Variants in KIF15 observed in about 807,000 individuals in gnomAD.
KIF15 encodes the protein kinesin-like protein KIF15.
A neutral mutation model predicts 190.6 loss-of-function variants in KIF15; 140 were observed. That is an observed-to-expected ratio of 0.73 (90% CI 0.64 to 0.84). The LOEUF (loss-of-function observed/expected upper bound fraction) is 0.84, where lower values mean the gene tolerates loss of function less well. Ranked by LOEUF, KIF15 falls within the 40% of genes least tolerant of loss-of-function variation. The pLI, the probability that KIF15 is intolerant of heterozygous loss-of-function variation, is 0.00. For missense variants in KIF15, 1,372 were observed against 1,584.4 expected, an observed-to-expected ratio of 0.87 and a Z score of 2.28; for synonymous variants, 528 against 551.3, an observed-to-expected ratio of 0.96 and a Z score of 0.59.
intron 10 of KIF15, chr3:44,799,399 A>G: frequency 2.2e-6 from 1 of 454,898 alleles, no homozygotes; most frequent in South Asian, 1.6e-5. Context: ...CAGCGAGAAT[A>G]CAGAAGACCT....
intron 24 of KIF15, 80 bp from the exon 25 acceptor site, chr3:44,829,891 A>G: frequency 1.8e-6 from 1 of 568,468 alleles, no homozygotes; most frequent in Non-Finnish European, 2.8e-6. Context: ...GCCATTAGGA[A>G]AGATAAGTGA....
chr3:44,809,194 G>A (rs374356353), intron 16 of KIF15, among the ~76,000 whole-genome samples: 1 of 152,038 alleles, frequency 6.6e-6, no homozygotes, highest in East Asian at 1.9e-4. Context: ...TGTTGTTAAG[G>A]TTTTAATTCT....
chr3:44,841,071 T>C lies in KIF15; in HGVS notation c.3421-3T>C. 4 of 1,600,768 alleles carry C rather than the reference T, an allele frequency of 2.5e-6. No homozygotes were observed. In the South Asian group the frequency reaches 4.5e-5, roughly 18 times the overall value. ...ATTTGGATGAGATGTGATTTTATTT[T>C]AGAGTCCTAAGACACCACCTCACTT... is the stretch of plus-strand genomic sequence containing the variant. On this transcript the variant is annotated splice_region_variant and splice_polypyrimidine_tract_variant and intron_variant, in intron 28 of 34. Coordinates refer to ENST00000326047, the MANE Select transcript of KIF15 (RefSeq NM_020242.3).
At position 44,829,542 on chromosome 3, in the gene KIF15, T is replaced by TTATATATGTATATATATTATATATG. The variant is rs1254858190; in HGVS notation, c.2944-414_2944-413insATTATATATGTATATATGTATATAT. Among the ~76,000 whole-genome samples, 321 of 117,878 alleles carry TTATATATGTATATATATTATATATG rather than the reference T, an allele frequency of 2.7e-3. 1 individual carries two copies. The highest frequency in any genetic ancestry group is 8.2e-3 in the Middle Eastern group (2 of 244). 77.3% of individuals were successfully genotyped at this position (117,878 alleles called of 152,430 possible). A position where few individuals can be genotyped will look rare whatever the true frequency, so the allele number is the denominator to read the frequency against. ...ATTATATGTATATAATATGTATATA[T>TTATATATGTATATATATTATATATG]TATATATGTATATATTATATATGTA... On this transcript the variant is annotated intron_variant, in intron 24 of 34. Transcript: ENST00000326047.
intron 5 of KIF15, among the ~76,000 whole-genome samples, chr3:44,784,256 C>G (rs1192826821): frequency 6.6e-6 from 1 of 152,192 alleles, no homozygotes; most frequent in East Asian, 1.9e-4. Flanking sequence ...ACTGCAAGCT[C>G]CGCCTCCCAG....
chr3:44,801,701 C>A, intron 12 of KIF15, 64 bp from the exon 13 acceptor site: 1 of 1,123,402 alleles, frequency 8.9e-7, no homozygotes, highest in Non-Finnish European at 1.3e-6. Context: ...TGTTGCTGGA[C>A]TTACGAAAAT....
chr3:44,790,632 C>A (rs564544251), intron 7 of KIF15, among the ~76,000 whole-genome samples: 1 of 151,876 alleles, frequency 6.6e-6, no homozygotes, highest in African/African-American at 2.4e-5. Context: ...TGTTCACCTA[C>A]CACTGAACAT....
intron 4 of KIF15, among the ~76,000 whole-genome samples, chr3:44,779,732 G>A (rs1706076833): frequency 6.6e-6 from 1 of 151,730 alleles, no homozygotes; most frequent in Non-Finnish European, 1.5e-5. Context: ...TACTCAGGAG[G>A]CTGAGGAAGG....
chr3:44,849,823 C>T (rs1174440775), intron 32 of KIF15, among the ~76,000 whole-genome samples: 1 of 152,052 alleles, frequency 6.6e-6, no homozygotes, highest in African/African-American at 2.4e-5. Context: ...ATTGAGTTCA[C>T]ATTACAATTA....
At chr3:44,792,343 G>A (rs778075581) in intron 7 of KIF15, among the ~76,000 whole-genome samples, 237 of 151,932 alleles carry the variant, frequency 1.6e-3, no homozygotes, top group Non-Finnish European at 1.7e-3. Context: ...GCATGGTGAT[G>A]CATGCCTGTA....
intron 14 of KIF15, among the ~76,000 whole-genome samples, chr3:44,803,314 TTAAC>T (rs1230214371): frequency 2.0e-5 from 3 of 152,212 alleles, no homozygotes; most frequent in Admixed American, 6.5e-5. Context: ...TGAAAAGTCT[TTAAC>T]TAATCAAACG....
At chr3:44,787,020 A>G (rs1706439574) in intron 7 of KIF15, among the ~76,000 whole-genome samples, 1 of 152,208 alleles carries the variant, frequency 6.6e-6, no homozygotes, top group Admixed American at 6.5e-5. Flanking sequence ...ATATGTTTTT[A>G]TGAAATCTGA....
At chr3:44,808,912 A>T (rs556431948) in intron 16 of KIF15, among the ~76,000 whole-genome samples, 4 of 152,306 alleles carry the variant, frequency 2.6e-5, no homozygotes, top group African/African-American at 9.6e-5. Context: ...TTTCCATATT[A>T]ACTGGTACCT....
chr3:44,823,669 C>G (rs901851700), intron 20 of KIF15, among the ~76,000 whole-genome samples: 1 of 152,212 alleles, frequency 6.6e-6, no homozygotes, highest in South Asian at 2.1e-4. Flanking sequence ...GGGCTCCACC[C>G]AGTTCAAGCT....
At chr3:44,849,703 C>T (rs977516127) in intron 32 of KIF15, among the ~76,000 whole-genome samples, 1 of 151,962 alleles carries the variant, frequency 6.6e-6, no homozygotes, top group Non-Finnish European at 1.5e-5. Context: ...ATAACCCCAT[C>T]ATACTACTTA....
intron 6 of KIF15, chr3:44,864,323 T>G (rs779923656): frequency 1.7e-5 from 27 of 1,614,190 alleles, no homozygotes; most frequent in Non-Finnish European, 2.2e-5. Context: ...CACAGTGACT[T>G]TTTCAAATAT....
At chr3:44,764,976 T>A (rs1424500644) in intron 1 of KIF15, among the ~76,000 whole-genome samples, 1 of 152,216 alleles carries the variant, frequency 6.6e-6, no homozygotes, top group Non-Finnish European at 1.5e-5. Context: ...GACAGCCACA[T>A]GATAAACTTT....
rs1238450648 is a variant in KIF15, at chr3:44,843,350, C to T, written c.3695+116C>T. On this transcript the variant is annotated intron_variant, in intron 30 of 34. Transcript: ENST00000326047. The stretch of plus-strand genomic sequence containing the variant: ...AAGGTGTACAATGTTTCCCACTAAT[C>T]CAGGAGATGGTCTTTTGGTTGATTT... 4 of 645,858 alleles carry T rather than the reference C, an allele frequency of 6.2e-6. No individual in the cohort carries two copies. In the East Asian group the frequency reaches 8.1e-5, roughly 13 times the overall value. 40.0% of individuals were successfully genotyped at this position (645,858 alleles called of 1,614,324 possible). A position where few individuals can be genotyped will look rare whatever the true frequency, so the allele number is the denominator to read the frequency against.
intron 7 of KIF15, among the ~76,000 whole-genome samples, chr3:44,787,855 T>G (rs1271208062): frequency 6.6e-6 from 1 of 152,130 alleles, no homozygotes. Flanking sequence ...TTTATTTATT[T>G]TTTTATTTGT....
Sources: gnomAD v4.1 joint callset for allele counts (sites outside exome capture counted in the v4.1 genomes callset) on GRCh38, gnomAD v4.1.1 for gene constraint, MANE v1.5 for transcripts, NCBI Gene and HGNC (gene_info 2026-07-23, HGNC 2026-07-21) for gene names.